Variants in CDH17 observed in about 807,000 individuals in gnomAD.
The protein encoded by CDH17 is cadherin 17, also known as cadherin-17.
CDH17 carries 67 observed loss-of-function variants against 86.3 expected under a neutral mutation model. That is an observed-to-expected ratio of 0.78 (90% CI 0.64 to 0.95). The LOEUF is 0.95. Among genes scored for constraint, CDH17 ranks in the 40% least tolerant of loss-of-function variants. The pLI is 0.00. For synonymous variants in CDH17, 367 were observed against 366.4 expected (o/e 1.00, Z -0.02); for missense variants, 993 against 1,017.6 (o/e 0.98, Z 0.33).
chr8:94,132,678 C>T (rs897199864), intron 15 of CDH17, among the ~76,000 whole-genome samples: 4 of 152,082 alleles, frequency 2.6e-5, no homozygotes, highest in African/African-American at 9.7e-5. Context: ...TAATTAGATC[C>T]CATTTGTCAA....
In CDH17 at chr8:94,174,107, C is replaced by T. The variant is rs377593984; in HGVS notation, c.578G>A (p.Arg193Gln). 8.1e-6 allele frequency: 13 copies of T among 1,612,694 alleles called. No individual in the cohort carries two copies. Among genetic ancestry groups the T allele is most frequent in the Admixed American group, 1.7e-5 (1 of 59,984 alleles). Residue 193 changes from arginine to glutamine, a missense_variant, in exon 6 of 18, where the codon CGA becomes CAA. Physicochemically the swap from Arg to Gln is conservative, Grantham distance 43. Transcript: ENST00000027335. Reference sequence around the variant, plus strand: ...CAGGGCACCCCTGAACTTACCCTCTCGGGTAAGAGAGATGGCTCCCGTTTT... The same window carrying T: ...CAGGGCACCCCTGAACTTACCCTCTTGGGTAAGAGAGATGGCTCCCGTTTT... Reference protein sequence around the residue: ...NNKTGAISLTREGSQELNPAK... With the variant: ...NNKTGAISLTQEGSQELNPAK...
At chr8:94,131,086 G>A in intron 15 of CDH17, 94 bp from the exon 16 acceptor site, 1 of 715,944 alleles carries the variant, frequency 1.4e-6, no homozygotes, top group South Asian at 1.6e-5. Context: ...AGGTTGACTG[G>A]AACATGGCTA....
intron 11 of CDH17, 32 bp downstream of exon 11, chr8:94,162,054 T>A (rs377285096): frequency 7.7e-7 from 1 of 1,299,400 alleles, no homozygotes; most frequent in Non-Finnish European, 1.1e-6. Context: ...ATGAATAAAG[T>A]AAAGAAAAAA....
upstream of CDH17, among the ~76,000 whole-genome samples, chr8:94,213,079 T>C (rs2129678203): frequency 6.6e-6 from 1 of 152,284 alleles, no homozygotes; most frequent in South Asian, 2.1e-4. Context: ...TGGGCGTAAG[T>C]AATCCTCCTG....
At chr8:94,212,688 G>A (rs181144214), upstream of CDH17, among the ~76,000 whole-genome samples, 375 of 152,320 alleles carry the variant, frequency 2.5e-3, 1 homozygote, top group Non-Finnish European at 4.6e-3. Context: ...GATAGTTTGA[G>A]GTTAGTAAAG....
At chr8:94,146,423 G>A (rs571694040) in intron 14 of CDH17, among the ~76,000 whole-genome samples, 1 of 152,366 alleles carries the variant, frequency 6.6e-6, no homozygotes, top group East Asian at 1.9e-4. Context: ...CTCAGAAGTT[G>A]TGTAACTTGC....
rs913865749 is a variant in CDH17 at position 94,170,400 on chromosome 8, G to A, written c.1063C>T (p.Leu355=). ...TVFEVQENER[L]GNSIGTLTAH... Reference sequence around the variant, plus strand: ...TTAGGCAGCTCTCATTTCTTACCCAGTCGTTCATTCTCCTGGACCTCAAAT... The same window carrying A: ...TTAGGCAGCTCTCATTTCTTACCCAATCGTTCATTCTCCTGGACCTCAAAT... Residue 355 remains leucine, a synonymous_variant, in exon 9 of 18, where the codon CTG becomes TTG. Coordinates refer to ENST00000027335, the MANE Select transcript of CDH17 (RefSeq NM_004063.4). The A allele has an allele frequency of 2.5e-6, 4 of 1,613,546 alleles. No individual in the cohort carries two copies. The highest frequency in any genetic ancestry group is 3.4e-6 in the Non-Finnish European group (4 of 1,179,702).
chr8:94,166,830 G>C (rs1813167162), intron 9 of CDH17, among the ~76,000 whole-genome samples: 1 of 152,128 alleles, frequency 6.6e-6, no homozygotes, highest in Admixed American at 6.5e-5. Context: ...AAGTAGCCAG[G>C]GAACACCAGA....
chr8:94,170,826 G>A (rs373645647), intron 8 of CDH17, 28 bp downstream of exon 8: 21 of 1,606,204 alleles, frequency 1.3e-5, no homozygotes, highest in South Asian at 3.3e-5. Flanking sequence ...TTGTCTTGTC[G>A]CCTGTGAAAC....
intron 1 of CDH17, among the ~76,000 whole-genome samples, chr8:94,197,828 CTA>C (rs1813815854): frequency 1.1e-5 from 1 of 87,092 alleles, no homozygotes; most frequent in Admixed American, 1.2e-4. Context: ...GAGACTCTGT[CTA>C]AAAAAAAAAA....
chr8:94,181,232 C>A (rs1366471569), intron 3 of CDH17, among the ~76,000 whole-genome samples: 1 of 152,108 alleles, frequency 6.6e-6, no homozygotes, highest in East Asian at 1.9e-4. Context: ...AATAATTCAA[C>A]AGTAATAATT....
intron 4 of CDH17, among the ~76,000 whole-genome samples, 181 bp from the exon 5 acceptor site, chr8:94,176,860 C>T (rs137950330): frequency 1.3e-5 from 2 of 152,322 alleles, no homozygotes; most frequent in African/African-American, 2.4e-5. Context: ...TTAAGCCTGG[C>T]TAATCATGAT....
At chr8:94,145,586 T>C (rs1812725369) in intron 15 of CDH17, among the ~76,000 whole-genome samples, 2 of 152,184 alleles carry the variant, frequency 1.3e-5, no homozygotes, top group Non-Finnish European at 1.5e-5. Flanking sequence ...TCAATTCTCA[T>C]AAAATTGTAT....
At chr8:94,131,869 G>A (rs984056342) in intron 15 of CDH17, among the ~76,000 whole-genome samples, 4 of 152,002 alleles carry the variant, frequency 2.6e-5, no homozygotes, top group Middle Eastern at 3.4e-3. Context: ...GATGTTCCCC[G>A]CCCTGTGACC....
At chr8:94,206,639 A>ATT (rs35064887) in intron 1 of CDH17, among the ~76,000 whole-genome samples, 32,925 of 129,970 alleles carry the variant, frequency 0.25, 5,029 homozygotes, top group African/African-American at 0.4. Flanking sequence ...CATCATCCAG[A>ATT]TTTTTTTTTT....
chr8:94,197,852 A>G (rs1157270584), intron 1 of CDH17, among the ~76,000 whole-genome samples: 3 of 151,602 alleles, frequency 2.0e-5, no homozygotes, highest in Admixed American at 6.6e-5. Context: ...AAAAAAAGAA[A>G]AAAAGAAAAA....
upstream of CDH17, among the ~76,000 whole-genome samples, chr8:94,210,567 C>T (rs890149171): frequency 3.3e-5 from 5 of 152,102 alleles, no homozygotes; most frequent in African/African-American, 7.2e-5. Context: ...AGAATGTGCA[C>T]GTTTCAGGTA....
intron 1 of CDH17, among the ~76,000 whole-genome samples, chr8:94,201,382 C>A (rs1813908939): frequency 6.6e-6 from 1 of 152,160 alleles, no homozygotes; most frequent in Non-Finnish European, 1.5e-5. Flanking sequence ...TATTTGGAGT[C>A]TTTACAGAGG....
chr8:94,166,003 C>T (rs1321663806), intron 9 of CDH17, 27 bp from the exon 10 acceptor site: 1 of 1,379,296 alleles, frequency 7.3e-7, no homozygotes, highest in Admixed American at 1.7e-5. Context: ...AAGGAAAACC[C>T]ACCATTACAG....
Sources: gnomAD v4.1 joint callset for allele counts (sites outside exome capture counted in the v4.1 genomes callset) on GRCh38, gnomAD v4.1.1 for gene constraint, MANE v1.5 for transcripts, NCBI Gene and HGNC (gene_info 2026-07-23, HGNC 2026-07-21) for gene names.